Variants in LGSN observed in about 807,000 individuals in gnomAD.
LGSN encodes lengsin.
LGSN carries 21 observed loss-of-function variants against 19.5 expected under a neutral mutation model. The ratio of observed to expected loss-of-function variants is 1.07; its 90% CI spans 0.76 to 1.55. LGSN has a LOEUF of 1.55. Ranked by LOEUF, LGSN falls within the 40% of genes most tolerant of loss-of-function variation. The pLI, the probability that LGSN is intolerant of heterozygous loss-of-function variation, is 0.00. For synonymous variants in LGSN, 257 were observed against 215.6 expected, an observed-to-expected ratio of 1.19 and a Z score of -1.68; for missense variants, 673 against 608.5, an observed-to-expected ratio of 1.11 and a Z score of -1.12.
At chr6:63,525,277 G>T in the LGSN span, among the ~76,000 whole-genome samples, 1 of 152,122 alleles carries the variant, frequency 6.6e-6, no homozygotes, top group Non-Finnish European at 1.5e-5. Context: ...TCCATATTTG[G>T]CCTTGTGATG....
rs553025923 is a variant in LGSN at position 63,278,107 on chromosome 6, G to T, written c.*1914C>A. 6.6e-6 allele frequency: 1 copy of T among 150,778 alleles called. No individual in the cohort carries two copies. Among genetic ancestry groups the T allele is most frequent in the African/African-American group, 2.4e-5 (1 of 41,112 alleles). The allele number at this position is 150,778 out of a possible 1,614,324, so 9.3% of individuals were successfully genotyped here. A position where few individuals can be genotyped will look rare whatever the true frequency, so the allele number is the denominator to read the frequency against. ...AAAAAAAAAATACAAGAAAAGAAAA[G>T]AAAATGTCCTAAAGAACTTATATGC... On this transcript the variant is annotated 3_prime_UTR_variant, in exon 4 of 4. Coordinates refer to ENST00000370657, the MANE Select transcript of LGSN (RefSeq NM_016571.3).
chr6:63,572,578 G>A, the LGSN span: 2 of 414,156 alleles, frequency 4.8e-6, no homozygotes, highest in East Asian at 7.0e-5. Context: ...TGCCCCCGCC[G>A]CCGCCTGCAT....
chr6:63,450,971 G>A, the LGSN span, among the ~76,000 whole-genome samples: 15 of 152,188 alleles, frequency 9.9e-5, no homozygotes, highest in African/African-American at 1.4e-4. Flanking sequence ...CACCACACCC[G>A]GCTGTAATGG....
intron 3 of LGSN, among the ~76,000 whole-genome samples, chr6:63,283,862 G>C (rs971346355): frequency 6.6e-6 from 1 of 152,066 alleles, no homozygotes; most frequent in South Asian, 2.1e-4. Flanking sequence ...ACCAGGCCCA[G>C]CTAATTTTTG....
At chr6:63,472,581 T>C in the LGSN span, among the ~76,000 whole-genome samples, 1 of 152,154 alleles carries the variant, frequency 6.6e-6, no homozygotes, top group Admixed American at 6.5e-5. Flanking sequence ...ACAACCACTG[T>C]TTTGGGACAA....
chr6:63,478,108 T>C, the LGSN span, among the ~76,000 whole-genome samples: 1 of 152,294 alleles, frequency 6.6e-6, no homozygotes, highest in African/African-American at 2.4e-5. Context: ...TAAAGTTTTA[T>C]ATATCTTATA....
At chr6:63,526,807 A>G in the LGSN span, among the ~76,000 whole-genome samples, 1 of 124,774 alleles carries the variant, frequency 8.0e-6, no homozygotes, top group Non-Finnish European at 1.7e-5. Context: ...AAAAATGTAT[A>G]TATATATATA....
the LGSN span, among the ~76,000 whole-genome samples, chr6:63,545,610 CAAAA>C: frequency 2.8e-5 from 4 of 142,032 alleles, no homozygotes; most frequent in African/African-American, 1.0e-4. Context: ...GACTCTGTCT[CAAAA>C]AAAAAAAGGA....
Position 63,280,035 on chromosome 6 carries a change from C to A in LGSN, c.1516G>T (p.Glu506Ter). 6.2e-7 allele frequency: 1 copy of A among 1,601,986 alleles called. No individual in the cohort carries two copies. Among genetic ancestry groups the A allele is most frequent in the Non-Finnish European group, 8.5e-7 (1 of 1,174,132 alleles). The change falls in exon 4 of 4, where the codon GAG (glutamate) becomes TAG (stop). Residue 506 changes from glutamate to a stop codon, truncating the protein, a stop_gained. Transcript: ENST00000370657. LOFTEE classifies it high-confidence loss of function. ...EIAAERNKFL[E>*]YFI Reference sequence around the variant, plus strand: ...TGAGCTCTATTCTAAATAAAATACTCTAAGAATTTATTTCTCTCTGCAGCT... The same window carrying A: ...TGAGCTCTATTCTAAATAAAATACTATAAGAATTTATTTCTCTCTGCAGCT...
At chr6:63,411,064 A>G in the LGSN span, among the ~76,000 whole-genome samples, 64 of 152,306 alleles carry the variant, frequency 4.2e-4, no homozygotes, top group East Asian at 1.9e-4. Context: ...CAGACACACA[A>G]CTACAGTTCA....
the LGSN span, among the ~76,000 whole-genome samples, chr6:63,384,927 C>A: frequency 6.6e-6 from 1 of 152,202 alleles, no homozygotes; most frequent in African/African-American, 2.4e-5. Flanking sequence ...CTTGAAAAGA[C>A]ACCAGGGATA....
chr6:63,487,746 C>T, the LGSN span, among the ~76,000 whole-genome samples: 1 of 152,064 alleles, frequency 6.6e-6, no homozygotes, highest in African/African-American at 2.4e-5. Context: ...TTTGGGAGGC[C>T]GAGGTGGGCG....
At chr6:63,331,493 C>T in the LGSN span, among the ~76,000 whole-genome samples, 1 of 152,188 alleles carries the variant, frequency 6.6e-6, no homozygotes, top group South Asian at 2.1e-4. Context: ...AAGCGTGAGC[C>T]TGTTGATGCC....
At chr6:63,495,941 A>T in the LGSN span, among the ~76,000 whole-genome samples, 2 of 151,648 alleles carry the variant, frequency 1.3e-5, no homozygotes, top group Non-Finnish European at 2.9e-5. Context: ...TTTTTTAAAA[A>T]AAAAAGACAG....
the LGSN span, among the ~76,000 whole-genome samples, chr6:63,407,615 G>T: frequency 2.0e-5 from 3 of 152,112 alleles, no homozygotes; most frequent in Non-Finnish European, 4.4e-5. Context: ...TTTGAAAACC[G>T]GCACAAGACA....
intron 1 of LGSN, among the ~76,000 whole-genome samples, chr6:63,308,247 T>C (rs1380084466): frequency 6.6e-6 from 1 of 152,236 alleles, no homozygotes; most frequent in Non-Finnish European, 1.5e-5. Flanking sequence ...ATGTTTCCAC[T>C]ATCGTTTCGT....
At chr6:63,416,085 T>A in the LGSN span, among the ~76,000 whole-genome samples, 1 of 151,910 alleles carries the variant, frequency 6.6e-6, no homozygotes, top group African/African-American at 2.4e-5. Flanking sequence ...TCAGATTTCA[T>A]CTTTCCCTTC....
the LGSN span, among the ~76,000 whole-genome samples, chr6:63,481,518 A>G: frequency 6.7e-6 from 1 of 149,374 alleles, no homozygotes; most frequent in African/African-American, 2.5e-5. Context: ...AATTTTTTGT[A>G]TTTTTTTTTA....
At chr6:63,540,012 T>G in the LGSN span, among the ~76,000 whole-genome samples, 1 of 152,182 alleles carries the variant, frequency 6.6e-6, no homozygotes, top group Admixed American at 6.5e-5. Context: ...TGGTGGACAC[T>G]GATACAGCCA....
Sources: gnomAD v4.1 joint callset for allele counts (sites outside exome capture counted in the v4.1 genomes callset) on GRCh38, gnomAD v4.1.1 for gene constraint, MANE v1.5 for transcripts, NCBI Gene and HGNC (gene_info 2026-07-23, HGNC 2026-07-21) for gene names.